Variants in OLA1 observed in about 807,000 individuals in gnomAD.
The protein encoded by OLA1 is obg-like ATPase 1.
Under a neutral mutation model 48.4 loss-of-function variants are expected in OLA1, and 14 were observed. The observed-to-expected ratio is 0.29, with a 90% CI of 0.19 to 0.45. The LOEUF (loss-of-function observed/expected upper bound fraction) is 0.45, where lower values mean the gene tolerates loss of function less well. Ranked by LOEUF, OLA1 falls within the 20% of genes least tolerant of loss-of-function variation. The pLI, the probability that OLA1 is intolerant of heterozygous loss-of-function variation, is 1.00. For synonymous variants in OLA1, 127 were observed against 150.4 expected (o/e 0.84, Z 1.14); for missense variants, 325 against 467.1 (o/e 0.70, Z 2.80).
At chr2:174,129,242 A>G (rs1686120351) in intron 5 of OLA1, among the ~76,000 whole-genome samples, 1 of 152,092 alleles carries the variant, frequency 6.6e-6, no homozygotes, top group Non-Finnish European at 1.5e-5. Context: ...GCGGATCACG[A>G]GGTCAGGAGA....
chr2:174,219,658 G>A (rs1433445010), intron 4 of OLA1, among the ~76,000 whole-genome samples: 1 of 151,904 alleles, frequency 6.6e-6, no homozygotes, highest in Non-Finnish European at 1.5e-5. Flanking sequence ...TTGAACTCAA[G>A]CAATCTGCCT....
intron 4 of OLA1, among the ~76,000 whole-genome samples, chr2:174,222,017 T>G (rs984325803): frequency 2.6e-5 from 4 of 152,172 alleles, no homozygotes; most frequent in African/African-American, 9.7e-5. Flanking sequence ...CTTCTCAAAT[T>G]GTCTGTCATG....
intron 5 of OLA1, among the ~76,000 whole-genome samples, chr2:174,131,525 C>G (rs1399548169): frequency 6.6e-6 from 1 of 152,136 alleles, no homozygotes. Context: ...AAACTTCATA[C>G]ATATTGCTAA....
At chr2:174,094,217 G>A (rs1226827927) in intron 7 of OLA1, among the ~76,000 whole-genome samples, 2 of 152,100 alleles carry the variant, frequency 1.3e-5, no homozygotes, top group Non-Finnish European at 2.9e-5. Context: ...AACTGAGACA[G>A]AAATATATTT....
intron 4 of OLA1, among the ~76,000 whole-genome samples, chr2:174,222,625 A>T (rs1688533513): frequency 6.6e-6 from 1 of 152,194 alleles, no homozygotes; most frequent in Non-Finnish European, 1.5e-5. Context: ...TAGATAACCC[A>T]GAAGCCTTTC....
At chr2:174,098,083 A>G (rs1337346160) in intron 7 of OLA1, among the ~76,000 whole-genome samples, 1 of 152,236 alleles carries the variant, frequency 6.6e-6, no homozygotes, top group Admixed American at 6.5e-5. Context: ...GAAGCACTAA[A>G]AAAGGACTGG....
At chr2:174,096,037 C>T (rs1379090403) in intron 7 of OLA1, among the ~76,000 whole-genome samples, 1 of 152,082 alleles carries the variant, frequency 6.6e-6, no homozygotes, top group Non-Finnish European at 1.5e-5. Context: ...TTCACATCTA[C>T]TAGGATGATT....
At chr2:174,247,010 C>T (rs1443832330) in intron 1 of OLA1, 195 bp from the exon 2 acceptor site, 2 of 383,754 alleles carry the variant, frequency 5.2e-6, no homozygotes, top group Admixed American at 4.1e-5. Context: ...GTAAACATAT[C>T]CGTTGTCAAA....
chr2:174,193,767 T>C (rs192019755), intron 4 of OLA1, among the ~76,000 whole-genome samples: 88 of 152,210 alleles, frequency 5.8e-4, no homozygotes, highest in Non-Finnish European at 1.1e-3. Flanking sequence ...CTGTCTATTC[T>C]TTTTTCCTCT....
rs79980756 is a variant in OLA1 at position 174,142,630 on chromosome 2, T to C, written c.374-630A>G. ...GATGCTGGCCCTTATTAGAAACACATGCTATTATCACATATTTAAAGTGCA... is the reference window on the plus strand; with the variant it reads ...GATGCTGGCCCTTATTAGAAACACACGCTATTATCACATATTTAAAGTGCA... On this transcript the variant is annotated intron_variant, in intron 4 of 10. Transcript: ENST00000284719. 6.6e-5 allele frequency among the ~76,000 whole-genome samples: 10 copies of C among 152,308 alleles called. No homozygotes were observed. In the East Asian group the frequency reaches 1.9e-3, roughly 29 times the overall value.
At chr2:174,239,714 C>CAA (rs35332033) in intron 2 of OLA1, among the ~76,000 whole-genome samples, 936 of 60,480 alleles carry the variant, frequency 0.015, 12 homozygotes, top group African/African-American at 0.048. Context: ...CCCATCTCTA[C>CAA]AAAAAAAAAA....
chr2:174,075,580 T>C (rs957440520), intron 10 of OLA1, 53 bp from the exon 11 acceptor site: 3 of 1,042,896 alleles, frequency 2.9e-6, no homozygotes, highest in Non-Finnish European at 4.5e-6. Context: ...ACTAAATACA[T>C]GGGGTAAATG....
At chr2:174,077,088 A>G (rs1684757436) in intron 10 of OLA1, among the ~76,000 whole-genome samples, 1 of 151,762 alleles carries the variant, frequency 6.6e-6, no homozygotes, top group Non-Finnish European at 1.5e-5. Flanking sequence ...CACTGGTTGA[A>G]AAAAAAAATC....
chr2:174,219,423 CTTTTTTTTTTT>C (rs372577919), intron 4 of OLA1, among the ~76,000 whole-genome samples: 13 of 94,912 alleles, frequency 1.4e-4, no homozygotes, highest in African/African-American at 1.7e-4. Flanking sequence ...TTTTATTTCC[CTTTTTTTTTTT>C]TTTTTTTTTT....
At chr2:174,101,887 C>T (rs543515791) in intron 7 of OLA1, among the ~76,000 whole-genome samples, 1 of 152,190 alleles carries the variant, frequency 6.6e-6, no homozygotes, top group Non-Finnish European at 1.5e-5. Context: ...TTGAAGAGCC[C>T]AAGCCTAAAT....
intron 7 of OLA1, among the ~76,000 whole-genome samples, chr2:174,117,572 TCAAATAGTTAAA>T (rs1174915202): frequency 6.6e-6 from 1 of 152,158 alleles, no homozygotes; most frequent in African/African-American, 2.4e-5. Flanking sequence ...ATTTAACTCA[TCAAATAGTTAAA>T]CTACAACATT....
At chr2:174,128,970 T>C (rs1219398124) in intron 5 of OLA1, among the ~76,000 whole-genome samples, 1 of 152,136 alleles carries the variant, frequency 6.6e-6, no homozygotes, top group Non-Finnish European at 1.5e-5. Flanking sequence ...GCCATATTCC[T>C]CAAGATCTGA....
At chr2:174,116,561 G>A (rs1685788516) in intron 7 of OLA1, among the ~76,000 whole-genome samples, 1 of 152,158 alleles carries the variant, frequency 6.6e-6, no homozygotes, top group South Asian at 2.1e-4. Context: ...ATATGGAAGA[G>A]GGAATGAGAG....
intron 4 of OLA1, among the ~76,000 whole-genome samples, chr2:174,220,987 T>C (rs1199720290): frequency 6.6e-6 from 1 of 152,228 alleles, no homozygotes; most frequent in Middle Eastern, 3.2e-3. Flanking sequence ...ATAATCTTTC[T>C]AATCTCTACA....
Sources: allele counts gnomAD v4.1 joint callset (sites outside exome capture counted in the v4.1 genomes callset), GRCh38; gene constraint gnomAD v4.1.1; transcripts MANE v1.5; gene names NCBI Gene and HGNC (gene_info 2026-07-23, HGNC 2026-07-21).